SYT2: variants seen among roughly 807,000 people sequenced by gnomAD.
SYT2 encodes synaptotagmin 2, also known as synaptotagmin-2.
In SYT2, 15 loss-of-function variants were observed where a neutral mutation model predicts 39.9. That is an observed-to-expected ratio of 0.38 (90% CI 0.25 to 0.58). The LOEUF (loss-of-function observed/expected upper bound fraction) is 0.58. SYT2 is among the 20% of genes least tolerant of loss of function. The probability of loss-of-function intolerance (pLI) is 0.70; values close to 1 mark genes in which losing one functional copy is unlikely to be tolerated. For synonymous variants in SYT2, 181 were observed against 204.5 expected (o/e 0.89, Z 0.98); for missense variants, 389 against 530.3 (o/e 0.73, Z 2.62).
chr1:202,687,460 C>T (rs762892451), intron 1 of SYT2, among the ~76,000 whole-genome samples: 10 of 152,138 alleles, frequency 6.6e-5, no homozygotes, highest in Non-Finnish European at 1.3e-4. Flanking sequence ...TCTTCCTCCC[C>T]GCAGAACCTA....
chr1:202,624,622 AGTGT>A (rs1241259648), intron 1 of SYT2, among the ~76,000 whole-genome samples: 1 of 34,664 alleles, frequency 2.9e-5, no homozygotes, highest in Non-Finnish European at 6.3e-5. Flanking sequence ...GGTGTCATAG[AGTGT>A]GTGTATGGCA....
At chr1:202,671,258 CTTGGAG>C (rs1268176599) in intron 1 of SYT2, among the ~76,000 whole-genome samples, 1 of 152,190 alleles carries the variant, frequency 6.6e-6, no homozygotes, top group African/African-American at 2.4e-5. Context: ...CTGTCAAGGC[CTTGGAG>C]TTGGAGCCAG....
chr1:202,622,941 G>A (rs1421778644), intron 1 of SYT2, among the ~76,000 whole-genome samples: 1 of 152,148 alleles, frequency 6.6e-6, no homozygotes, highest in Non-Finnish European at 1.5e-5. Flanking sequence ...AAGGGAGGTG[G>A]CTTACCTCCA....
intron 1 of SYT2, among the ~76,000 whole-genome samples, chr1:202,694,039 C>T (rs1455318288): frequency 2.0e-5 from 3 of 152,204 alleles, no homozygotes; most frequent in African/African-American, 7.2e-5. Context: ...AGAACTCACT[C>T]ATTACCACGA....
Position 202,596,284 on chromosome 1 carries a change from CACACACACACACACACACACACAT to C in SYT2, c.*449_*472del, listed in dbSNP as rs1277616857. 0.011 allele frequency: 859 copies of C among 81,678 alleles called. 12 individuals are homozygous for C. Among genetic ancestry groups the C allele is most frequent in the Admixed American group, 0.014 (93 of 6,598 alleles). 5.1% of individuals were successfully genotyped at this position (81,678 alleles called of 1,614,324 possible). A position where few individuals can be genotyped will look rare whatever the true frequency, so the allele number is the denominator to read the frequency against. The stretch of plus-strand genomic sequence containing the variant: ...ATGCTCAAAGACACACACACACACA[CACACACACACACACACACACACAT>C]ACACACACACACACACACACACACA... On this transcript the variant is annotated 3_prime_UTR_variant, in exon 9 of 9. Transcript: ENST00000367268.
intron 1 of SYT2, among the ~76,000 whole-genome samples, chr1:202,640,734 CAG>C (rs56979202): frequency 0.024 from 2,169 of 90,456 alleles, 40 homozygotes; most frequent in Admixed American, 0.033. Flanking sequence ...TCCTAATGGT[CAG>C]AGAGAGAGAG....
At chr1:202,632,568 A>C in intron 1 of SYT2, 1 of 985,322 alleles carries the variant, frequency 1.0e-6, no homozygotes, top group Non-Finnish European at 1.2e-6. Flanking sequence ...TGTCGATGAG[A>C]AGACTAAGCC....
In SYT2 at chr1:202,629,341, T is replaced by A. The variant is rs185781667; in HGVS notation, c.-17-23552A>T. Among the ~76,000 whole-genome samples, 868 of 152,224 alleles carry A rather than the reference T, an allele frequency of 5.7e-3. 5 individuals carry two copies. The highest frequency in any genetic ancestry group is 0.01 in the Non-Finnish European group (685 of 68,004). On this transcript the variant is annotated intron_variant, in intron 1 of 8. Transcript: ENST00000367268. Reference sequence around the variant, plus strand: ...CCAGATACTGCCAAGGCTTTCCCCCTCCTCCAGCCCACCTTCCCCAATACT... The same window carrying A: ...CCAGATACTGCCAAGGCTTTCCCCCACCTCCAGCCCACCTTCCCCAATACT...
At chr1:202,621,131 G>A (rs1318587780) in intron 1 of SYT2, among the ~76,000 whole-genome samples, 1 of 152,160 alleles carries the variant, frequency 6.6e-6, no homozygotes, top group Non-Finnish European at 1.5e-5. Context: ...AGTTGGGAAA[G>A]GAGGAGCTGG....
intron 1 of SYT2, among the ~76,000 whole-genome samples, chr1:202,701,534 C>G (rs563382314): frequency 6.6e-6 from 1 of 152,324 alleles, no homozygotes; most frequent in African/African-American, 2.4e-5. Flanking sequence ...AGAAGACATT[C>G]TTAACTGAAA....
intron 1 of SYT2, among the ~76,000 whole-genome samples, chr1:202,705,338 C>A (rs751430551): frequency 1.3e-5 from 2 of 152,258 alleles, no homozygotes; most frequent in African/African-American, 4.8e-5. Context: ...GCTCTATCCC[C>A]GAGCAGGGGA....
chr1:202,663,199 G>T (rs1186624681), intron 1 of SYT2, among the ~76,000 whole-genome samples: 1 of 152,190 alleles, frequency 6.6e-6, no homozygotes. Context: ...TTGCCCCAGG[G>T]ACAGCAAGGC....
chr1:202,627,411 G>A (rs1691447388), intron 1 of SYT2: 2 of 983,042 alleles, frequency 2.0e-6, no homozygotes, highest in South Asian at 9.4e-5. Context: ...GTCCCATCAA[G>A]CTCCCTGCTA....
At chr1:202,679,450 T>C (rs954630126) in intron 1 of SYT2, among the ~76,000 whole-genome samples, 1 of 152,218 alleles carries the variant, frequency 6.6e-6, no homozygotes, top group African/African-American at 2.4e-5. Flanking sequence ...CCAGGCACCA[T>C]CATTGACTCA....
chr1:202,634,751 C>T (rs1691696549), intron 1 of SYT2, among the ~76,000 whole-genome samples: 1 of 152,164 alleles, frequency 6.6e-6, no homozygotes, highest in African/African-American at 2.4e-5. Flanking sequence ...ACCTTGAAAG[C>T]ATTATGTGAG....
intron 1 of SYT2, among the ~76,000 whole-genome samples, chr1:202,618,598 A>G (rs549402932): frequency 2.6e-5 from 4 of 152,170 alleles, no homozygotes; most frequent in Non-Finnish European, 4.4e-5. Flanking sequence ...TCTGAGTGTC[A>G]GACTTCTTAA....
chr1:202,672,916 T>C (rs1692621770), intron 1 of SYT2, among the ~76,000 whole-genome samples: 1 of 151,454 alleles, frequency 6.6e-6, no homozygotes, highest in Non-Finnish European at 1.5e-5. Flanking sequence ...AAGTCATGTC[T>C]AGACATATCA....
At chr1:202,681,229 C>A (rs1325548380) in intron 1 of SYT2, among the ~76,000 whole-genome samples, 1 of 152,168 alleles carries the variant, frequency 6.6e-6, no homozygotes, top group Non-Finnish European at 1.5e-5. Context: ...GGAGCCGCCC[C>A]TCCCACTGCC....
At chr1:202,684,585 T>C (rs1653612031) in intron 1 of SYT2, among the ~76,000 whole-genome samples, 1 of 152,220 alleles carries the variant, frequency 6.6e-6, no homozygotes, top group African/African-American at 2.4e-5. Context: ...TGAATAGCGC[T>C]GCCATGAACA....
Sources: allele counts gnomAD v4.1 joint callset (sites outside exome capture counted in the v4.1 genomes callset), GRCh38; gene constraint gnomAD v4.1.1; transcripts MANE v1.5; gene names NCBI Gene and HGNC (gene_info 2026-07-23, HGNC 2026-07-21).